FKTN: variants seen among roughly 807,000 people sequenced by gnomAD.
The protein encoded by FKTN is ribitol-5-phosphate transferase FKTN.
In FKTN, 47 loss-of-function variants were observed where a neutral mutation model predicts 58.6. That is an observed-to-expected ratio of 0.80 (90% CI 0.63 to 1.02). The LOEUF (loss-of-function observed/expected upper bound fraction) is 1.02. FKTN is among the 50% of genes least tolerant of loss of function. FKTN has a pLI of 0.00. For synonymous variants in FKTN, 178 were observed against 191.9 expected (o/e 0.93, Z 0.60); for missense variants, 516 against 537.3 (o/e 0.96, Z 0.39).
At chr9:105,607,649 T>C (rs1043195831) in intron 6 of FKTN, among the ~76,000 whole-genome samples, 170 bp from the exon 7 acceptor site, 4 of 152,100 alleles carry the variant, frequency 2.6e-5, no homozygotes, top group Admixed American at 6.6e-5. Flanking sequence ...GGGACACATG[T>C]ACTGAACGTG....
At chr9:105,589,592 C>T (rs543004467) in intron 3 of FKTN, among the ~76,000 whole-genome samples, 1 of 152,172 alleles carries the variant, frequency 6.6e-6, no homozygotes, top group East Asian at 1.9e-4. Context: ...AACCTTGACC[C>T]TTCAAGCTTA....
In FKTN at chr9:105,593,667, T is replaced by C. The variant is rs190398918; in HGVS notation, c.106-2931T>C. Among the ~76,000 whole-genome samples the C allele has an allele frequency of 4.1e-3, 623 of 152,090 alleles. 1 individual carries two copies. Among genetic ancestry groups the C allele is most frequent in the Non-Finnish European group, 7.2e-3 (489 of 67,978 alleles). On this transcript the variant is annotated intron_variant, in intron 3 of 10. Coordinates refer to ENST00000357998, the MANE Select transcript of FKTN (RefSeq NM_001079802.2). ...GGGACCCTCCAACACATCAGGGAAG[T>C]AGGAAGAACTGACAAGTTAAAGAAG...
chr9:105,627,392 A>G lies in FKTN; in HGVS notation c.1172+7331A>G, dbSNP rs562023185. Among the ~76,000 whole-genome samples, 71 of 152,344 alleles carry G rather than the reference A, an allele frequency of 4.7e-4. 1 individual carries two copies. In the South Asian group the frequency reaches 0.015, roughly 31 times the overall value. ...AAGAAATCTTTCCCTATCCCAAGAT[A>G]ATGAAGCTATTCCTCTTGTACTACC... On this transcript the variant is annotated intron_variant, in intron 10 of 10. Transcript: ENST00000357998.
chr9:105,578,745 G>A (rs1842269196), intron 3 of FKTN, among the ~76,000 whole-genome samples: 1 of 151,768 alleles, frequency 6.6e-6, no homozygotes, highest in East Asian at 1.9e-4. Context: ...AGAAGGAATG[G>A]TACCAGCTCC....
chr9:105,561,022 G>T (rs968879168), intron 1 of FKTN, among the ~76,000 whole-genome samples: 2 of 152,000 alleles, frequency 1.3e-5, no homozygotes, highest in Admixed American at 6.6e-5. Flanking sequence ...GGGAGCGGAG[G>T]TTGCAGTGAG....
intron 4 of FKTN, among the ~76,000 whole-genome samples, chr9:105,599,475 CTT>C (rs56397759): frequency 5.9e-5 from 6 of 101,146 alleles, no homozygotes; most frequent in Non-Finnish European, 1.0e-4. Context: ...TCAGGTTTTG[CTT>C]TTTTTTTTTT....
chr9:105,569,132 C>A (rs1840266860), intron 1 of FKTN, among the ~76,000 whole-genome samples: 1 of 151,890 alleles, frequency 6.6e-6, no homozygotes, highest in South Asian at 2.1e-4. Flanking sequence ...CACACCGGGG[C>A]CTGTTGTGGG....
At chr9:105,601,382 C>T in intron 5 of FKTN, 34 bp downstream of exon 5, 1 of 1,410,046 alleles carries the variant, frequency 7.1e-7, no homozygotes, top group Non-Finnish European at 1.0e-6. Context: ...TGGAATGTGT[C>T]TCTTTTTACA....
At chr9:105,593,309 G>T (rs1845241814) in intron 3 of FKTN, among the ~76,000 whole-genome samples, 1 of 152,092 alleles carries the variant, frequency 6.6e-6, no homozygotes, top group Admixed American at 6.5e-5. Context: ...CACAAGAACA[G>T]CACCAAAGGG....
In FKTN at chr9:105,604,489, A is replaced by G; in HGVS notation, c.644A>G (p.Asp215Gly). Reference protein sequence around the residue: ...LQFGRYPGAFDRPELQQVTVD... With the variant: ...LQFGRYPGAFGRPELQQVTVD... ...TTTGGTCGTTATCCAGGAGCTTTTG[A>G]CAGGTAAGTTCAGAGTCAAAACGTG... The change falls in exon 6 of 11, where the codon GAC (aspartate) becomes GGC (glycine). Residue 215 changes from aspartate to glycine, a missense_variant. By Grantham distance (94) the Asp-to-Gly change is moderately conservative. Transcript: ENST00000357998. 6.2e-7 allele frequency: 1 copy of G among 1,613,722 alleles called. No individual in the cohort carries two copies. Among genetic ancestry groups the G allele is most frequent in the Non-Finnish European group, 8.5e-7 (1 of 1,179,652 alleles).
At chr9:105,602,277 A>G (rs1200504760) in intron 5 of FKTN, among the ~76,000 whole-genome samples, 1 of 152,182 alleles carries the variant, frequency 6.6e-6, no homozygotes, top group Non-Finnish European at 1.5e-5. Context: ...CATATTTTGG[A>G]TTGTAGGATA....
In FKTN at chr9:105,601,245, A is replaced by G. The variant is rs1827822407; in HGVS notation, c.266A>G (p.Gln89Arg). 3 of 1,611,732 alleles carry G rather than the reference A, an allele frequency of 1.9e-6. No homozygotes were observed. Among genetic ancestry groups the G allele is most frequent in the Admixed American group, 1.7e-5 (1 of 60,006 alleles). ...ILELINKNFE[Q>R]VKNTSHGSTS... ...GAATTGATTAATAAGAACTTTGAAC[A>G]AGTCAAAAATACTTCTCATGGCTCT... Residue 89 changes from glutamine (Q) to arginine (R), a missense_variant, in exon 5 of 11, where the codon CAA becomes CGA. Coordinates refer to ENST00000357998, the MANE Select transcript of FKTN (RefSeq NM_001079802.2).
intron 7 of FKTN, among the ~76,000 whole-genome samples, chr9:105,611,313 A>G (rs557056172): frequency 1.3e-5 from 2 of 152,234 alleles, no homozygotes; most frequent in Admixed American, 1.3e-4. Flanking sequence ...AGTAATCCTG[A>G]GATTTGTACT....
chr9:105,616,531 C>A (rs1032831274), intron 8 of FKTN, among the ~76,000 whole-genome samples: 1 of 152,112 alleles, frequency 6.6e-6, no homozygotes, highest in Non-Finnish European at 1.5e-5. Context: ...TGTCCACTGT[C>A]CATTAAATCA....
At chr9:105,563,897 C>A (rs894044563) in intron 1 of FKTN, among the ~76,000 whole-genome samples, 2 of 152,192 alleles carry the variant, frequency 1.3e-5, no homozygotes, top group African/African-American at 4.8e-5. Context: ...CTGGGAGGCA[C>A]CCCACAGTAG....
intron 3 of FKTN, among the ~76,000 whole-genome samples, chr9:105,579,589 T>C (rs1332536477): frequency 6.6e-6 from 1 of 150,726 alleles, no homozygotes; most frequent in East Asian, 1.9e-4. Context: ...CTTCCAAGTA[T>C]GTGGTCAATT....
intron 6 of FKTN, among the ~76,000 whole-genome samples, chr9:105,606,021 T>G (rs1828830471): frequency 6.6e-6 from 1 of 152,134 alleles, no homozygotes; most frequent in African/African-American, 2.4e-5. Context: ...ACACCTACTA[T>G]GTACCTACAA....
chr9:105,568,918 A>C (rs1042424881), intron 1 of FKTN, among the ~76,000 whole-genome samples: 1 of 152,248 alleles, frequency 6.6e-6, no homozygotes, highest in Non-Finnish European at 1.5e-5. Context: ...GACCGGATTA[A>C]GAAAATGTGG....
intron 8 of FKTN, among the ~76,000 whole-genome samples, chr9:105,615,637 A>G (rs901983556): frequency 2.0e-5 from 3 of 152,338 alleles, no homozygotes; most frequent in East Asian, 1.9e-4. Flanking sequence ...ATAATTATAA[A>G]TAATATGTAT....
Sources: allele counts gnomAD v4.1 joint callset (sites outside exome capture counted in the v4.1 genomes callset), GRCh38; gene constraint gnomAD v4.1.1; transcripts MANE v1.5; gene names NCBI Gene and HGNC (gene_info 2026-07-23, HGNC 2026-07-21).